Variants in FBXO25 observed in about 807,000 individuals in gnomAD.
The protein encoded by FBXO25 is F-box only protein 25.
In FBXO25, 45 loss-of-function variants were observed where a neutral mutation model predicts 51.9. That is an observed-to-expected ratio of 0.87 (90% CI 0.68 to 1.11). The LOEUF (loss-of-function observed/expected upper bound fraction) is 1.11, where lower values mean the gene tolerates loss of function less well. FBXO25 is among the 50% of genes most tolerant of loss of function. FBXO25 has a pLI of 0.00. For synonymous variants in FBXO25, 199 were observed against 151.0 expected, an observed-to-expected ratio of 1.32 and a Z score of -2.33; for missense variants, 507 against 428.5, an observed-to-expected ratio of 1.18 and a Z score of -1.62.
chr8:474,610 T>G lies in FBXO25; in HGVS notation c.*5806T>G, dbSNP rs1380208486. Reference sequence around the variant, plus strand: ...GTGGTATCCTGCTGAGATTTTGATTTGCATTTCCGTAATGACTGGTGATGC... The same window carrying G: ...GTGGTATCCTGCTGAGATTTTGATTGGCATTTCCGTAATGACTGGTGATGC... On this transcript the variant is annotated 3_prime_UTR_variant, in exon 10 of 10. Coordinates refer to ENST00000350302, the MANE Select transcript of FBXO25 (RefSeq NM_183420.2). The G allele has an allele frequency of 2.5e-6, 1 of 400,450 alleles. No homozygotes were observed. Among genetic ancestry groups the G allele is most frequent in the Non-Finnish European group, 4.9e-6 (1 of 205,032 alleles). The allele number at this position is 400,450 out of a possible 1,614,324, so 24.8% of individuals were successfully genotyped here.
chr8:413,262 TG>T, intron 2 of FBXO25, 49 bp downstream of exon 2: 1 of 1,458,244 alleles, frequency 6.9e-7, no homozygotes, highest in Non-Finnish European at 9.1e-7. Flanking sequence ...TTAGCATGTA[TG>T]GCCTTACCTA....
At chr8:426,994 T>C (rs1359533028) in intron 2 of FBXO25, among the ~76,000 whole-genome samples, 307 of 150,760 alleles carry the variant, frequency 2.0e-3, no homozygotes, top group Non-Finnish European at 2.7e-3. Context: ...GAATTTTCTT[T>C]TTATAATTAG....
chr8:453,561 G>A (rs1799229266), intron 7 of FBXO25, among the ~76,000 whole-genome samples: 2 of 152,112 alleles, frequency 1.3e-5, no homozygotes. Flanking sequence ...CAGCCAAATT[G>A]GTCTAAGGCT....
In FBXO25 at chr8:407,673, C is replaced by T. The variant is rs1584986178; in HGVS notation, c.-8+607C>T. On this transcript the variant is annotated intron_variant, in intron 1 of 9. Coordinates refer to ENST00000350302, the MANE Select transcript of FBXO25 (RefSeq NM_183420.2). ...CCGGGCTCGGTCCTTGCCTCTTCGC[C>T]GGTGGGCACCTGCTAGGTGTGACCC... Among the ~76,000 whole-genome samples the T allele has an allele frequency of 2.0e-5, 3 of 152,198 alleles. No individual in the cohort carries two copies. In the East Asian group the frequency reaches 5.8e-4, roughly 30 times the overall value.
chr8:475,376 GAGACCTCCTACTTGGTTCCCTTTCA>G lies in FBXO25; in HGVS notation c.*6576_*6600del, dbSNP rs1327854669. ...CGTAAGTTATGAAATAAGGAAGTGAGAGACCTCCTACTTGGTTCCCTTTCAAGATGATTTTGGCTGTGTGAGGTCT... is the reference window on the plus strand; with the variant it reads ...CGTAAGTTATGAAATAAGGAAGTGAGAGATGATTTTGGCTGTGTGAGGTCT... On this transcript the variant is annotated 3_prime_UTR_variant, in exon 10 of 10. Coordinates refer to ENST00000350302, the MANE Select transcript of FBXO25 (RefSeq NM_183420.2). 1 of 156,700 alleles carries G rather than the reference GAGACCTCCTACTTGGTTCCCTTTCA, an allele frequency of 6.4e-6. No homozygotes were observed. The highest frequency in any genetic ancestry group is 2.4e-5 in the African/African-American group (1 of 41,412). 9.7% of individuals were successfully genotyped at this position (156,700 alleles called of 1,614,324 possible).
chr8:452,907 G>T (rs998242053), intron 7 of FBXO25, among the ~76,000 whole-genome samples: 1 of 152,192 alleles, frequency 6.6e-6, no homozygotes, highest in Non-Finnish European at 1.5e-5. Flanking sequence ...GCTGTATGCT[G>T]AGCTTCCTTC....
chr8:434,839 G>C (rs1170696127), intron 4 of FBXO25, among the ~76,000 whole-genome samples: 1 of 152,196 alleles, frequency 6.6e-6, no homozygotes, highest in Non-Finnish European at 1.5e-5. Context: ...AAACATCTAA[G>C]AGAATAGCAG....
Position 458,367 on chromosome 8 carries a change from A to T in FBXO25, c.661-2A>T, listed in dbSNP as rs1400127090. ...TGAGTTGCTGTTGTGTTTTCCTTTC[A>T]GCAAGTGAACAATGGCCTCACCCTC... On this transcript the variant is annotated splice_acceptor_variant, in intron 7 of 9. Coordinates refer to ENST00000350302, the MANE Select transcript of FBXO25 (RefSeq NM_183420.2). LOFTEE classifies it high-confidence loss of function. 1 of 1,612,244 alleles carries T rather than the reference A, an allele frequency of 6.2e-7. No individual in the cohort carries two copies. Among genetic ancestry groups the T allele is most frequent in the Admixed American group, 1.7e-5 (1 of 59,886 alleles).
chr8:458,664 T>A, intron 8 of FBXO25, 113 bp downstream of exon 8: 1 of 994,912 alleles, frequency 1.0e-6, no homozygotes, highest in Non-Finnish European at 1.5e-6. Context: ...TTTCTACTTT[T>A]AAAGAACCAG....
intron 9 of FBXO25, chr8:467,727 A>G: frequency 6.2e-7 from 1 of 1,613,884 alleles, no homozygotes; most frequent in South Asian, 1.1e-5. Context: ...AAGGACTACC[A>G]TCTTGCTTTA....
At chr8:460,823 C>G (rs1187901577) in intron 8 of FBXO25, among the ~76,000 whole-genome samples, 1 of 152,154 alleles carries the variant, frequency 6.6e-6, no homozygotes, top group Non-Finnish European at 1.5e-5. Context: ...CTGATAACGA[C>G]TTTTTATTTT....
Position 476,389 on chromosome 8 carries a change from A to G in FBXO25, c.*7585A>G, listed in dbSNP as rs1800645599. 1 of 152,146 alleles carries G rather than the reference A, an allele frequency of 6.6e-6. No individual in the cohort carries two copies. The highest frequency in any genetic ancestry group is 2.4e-5 in the African/African-American group (1 of 41,430). The allele number at this position is 152,146 out of a possible 1,614,324, so 9.4% of individuals were successfully genotyped here. On this transcript the variant is annotated 3_prime_UTR_variant, in exon 10 of 10. Coordinates refer to ENST00000350302, the MANE Select transcript of FBXO25 (RefSeq NM_183420.2). ...GAATAATGATGGCCTCATAGAATGC[A>G]TTTGGAAGTGTCCTTTCCTCTTCAG...
At chr8:430,333 G>A (rs1220719172) in intron 2 of FBXO25, among the ~76,000 whole-genome samples, 1 of 152,090 alleles carries the variant, frequency 6.6e-6, no homozygotes, top group Non-Finnish European at 1.5e-5. Flanking sequence ...AAGTTCAGTT[G>A]TTTGTATGTT....
intron 4 of FBXO25, 102 bp downstream of exon 4, chr8:433,037 C>G: frequency 1.6e-6 from 2 of 1,278,470 alleles, no homozygotes; most frequent in Non-Finnish European, 2.1e-6. Context: ...AAACACATTT[C>G]TTTTGCAATA....
chr8:466,276 G>C (rs969017075), intron 9 of FBXO25, among the ~76,000 whole-genome samples: 3 of 152,234 alleles, frequency 2.0e-5, no homozygotes, highest in African/African-American at 7.2e-5. Flanking sequence ...GGCCTGGTGG[G>C]CCAAACCCAG....
rs772179200 is a variant in FBXO25 at position 431,463 on chromosome 8, A to G, written c.238+19A>G. The G allele has an allele frequency of 1.7e-5, 21 of 1,251,614 alleles. No individual in the cohort carries two copies. Among genetic ancestry groups the G allele is most frequent in the Non-Finnish European group, 2.4e-5 (21 of 890,724 alleles). The allele number at this position is 1,251,614 out of a possible 1,614,324, so 77.5% of individuals were successfully genotyped here. ...ACTCAAAGTAAGATCATTCTCATTAATTTTATTTTACTTGTTGATTACGTT... is the reference window on the plus strand; with the variant it reads ...ACTCAAAGTAAGATCATTCTCATTAGTTTTATTTTACTTGTTGATTACGTT... On this transcript the variant is annotated intron_variant, in intron 3 of 9. Coordinates refer to ENST00000350302, the MANE Select transcript of FBXO25 (RefSeq NM_183420.2).
rs1479211155 is a variant in FBXO25 at position 473,309 on chromosome 8, C to T, written c.*4505C>T. 3.9e-5 allele frequency: 6 copies of T among 152,246 alleles called. No homozygotes were observed. Among genetic ancestry groups the T allele is most frequent in the Non-Finnish European group, 8.8e-5 (6 of 68,120 alleles). The allele number at this position is 152,246 out of a possible 1,614,324, so 9.4% of individuals were successfully genotyped here. ...ACTGCATCATTGTGTGCCTAAAAAG[C>T]CCTGGCTCACAGCATGAGACAGTGT... On this transcript the variant is annotated 3_prime_UTR_variant, in exon 10 of 10. Transcript: ENST00000350302.
In FBXO25 at chr8:472,297, G is replaced by C. The variant is rs1163658612; in HGVS notation, c.*3493G>C. 1 of 152,148 alleles carries C rather than the reference G, an allele frequency of 6.6e-6. No individual in the cohort carries two copies. Among genetic ancestry groups the C allele is most frequent in the African/African-American group, 2.4e-5 (1 of 41,426 alleles). The allele number at this position is 152,148 out of a possible 1,614,324, so 9.4% of individuals were successfully genotyped here. A position where few individuals can be genotyped will look rare whatever the true frequency, so the allele number is the denominator to read the frequency against. On this transcript the variant is annotated 3_prime_UTR_variant, in exon 10 of 10. Coordinates refer to ENST00000350302, the MANE Select transcript of FBXO25 (RefSeq NM_183420.2). ...GTGGATTTTGTCAAATGCTTTTTCT[G>C]CATCTCTTAAGATAATGTAGTTTTT...
chr8:473,352 G>GGCACCT lies in FBXO25; in HGVS notation c.*4553_*4558dup, dbSNP rs1800542964. 1.3e-5 allele frequency: 2 copies of GGCACCT among 152,320 alleles called. No homozygotes were observed. The highest frequency in any genetic ancestry group is 4.8e-5 in the African/African-American group (2 of 41,548). The allele number at this position is 152,320 out of a possible 1,614,324, so 9.4% of individuals were successfully genotyped here. On this transcript the variant is annotated 3_prime_UTR_variant, in exon 10 of 10. Coordinates refer to ENST00000350302, the MANE Select transcript of FBXO25 (RefSeq NM_183420.2). ...GACAGTGTGTTCTAGGTGGTAACGT[G>GGCACCT]GCACCTGCACATGCACCCCCAGCAG...
Sources: allele counts gnomAD v4.1 joint callset (sites outside exome capture counted in the v4.1 genomes callset), GRCh38; gene constraint gnomAD v4.1.1; transcripts MANE v1.5; gene names NCBI Gene and HGNC (gene_info 2026-07-23, HGNC 2026-07-21).